IMMP2L: variants seen among roughly 807,000 people sequenced by gnomAD.
The protein encoded by IMMP2L is mitochondrial inner membrane protease subunit 2.
In IMMP2L, 18 loss-of-function variants were observed where a neutral mutation model predicts 19.3. The observed-to-expected ratio is 0.93, with a 90% CI of 0.64 to 1.38. The LOEUF is 1.38. Ranked by LOEUF, IMMP2L falls within the 40% of genes most tolerant of loss-of-function variation. The probability of loss-of-function intolerance (pLI) is 0.00; values close to 1 mark genes in which losing one functional copy is unlikely to be tolerated. For missense variants in IMMP2L, 233 were observed against 218.2 expected, an observed-to-expected ratio of 1.07 and a Z score of -0.43; for synonymous variants, 76 against 73.0, an observed-to-expected ratio of 1.04 and a Z score of -0.21.
chr7:110,886,762 C>T, intron 4 of IMMP2L, 67 bp from the exon 5 acceptor site: 1 of 738,476 alleles, frequency 1.4e-6, no homozygotes, highest in South Asian at 1.6e-5. Context: ...GGCATACAAA[C>T]TTAGGAATGG....
At chr7:110,991,108 C>T (rs1007303291) in intron 3 of IMMP2L, among the ~76,000 whole-genome samples, 22 of 152,126 alleles carry the variant, frequency 1.4e-4, no homozygotes, top group African/African-American at 5.3e-4. Context: ...TTTCAAACCA[C>T]ATCATTTAGG....
At chr7:111,227,307 C>A (rs878877137) in intron 3 of IMMP2L, among the ~76,000 whole-genome samples, 2 of 152,116 alleles carry the variant, frequency 1.3e-5, no homozygotes, top group Admixed American at 1.3e-4. Context: ...TTCTATATTT[C>A]ATTTGCTACC....
At chr7:111,286,645 A>G (rs1820517004) in intron 3 of IMMP2L, among the ~76,000 whole-genome samples, 1 of 152,156 alleles carries the variant, frequency 6.6e-6, no homozygotes, top group Non-Finnish European at 1.5e-5. Flanking sequence ...ACAGGAATAT[A>G]AATATTCTCT....
chr7:110,730,480 C>T (rs925987770), intron 5 of IMMP2L, among the ~76,000 whole-genome samples: 3 of 152,114 alleles, frequency 2.0e-5, no homozygotes, highest in Non-Finnish European at 4.4e-5. Flanking sequence ...CTGTCAGCTT[C>T]CCGACTTTTG....
chr7:111,446,007 G>A (rs10276181), intron 3 of IMMP2L, among the ~76,000 whole-genome samples: 33,686 of 150,930 alleles, frequency 0.22, 5,428 homozygotes, highest in African/African-American at 0.46. Flanking sequence ...ACCGGCTTAA[G>A]AAACGGCGCA....
intron 3 of IMMP2L, among the ~76,000 whole-genome samples, chr7:111,182,372 A>G (rs1213883757): frequency 3.3e-5 from 5 of 151,922 alleles, no homozygotes; most frequent in Non-Finnish European, 5.9e-5. Flanking sequence ...AAGCTGTCCC[A>G]AGGTCTCAAA....
intron 3 of IMMP2L, among the ~76,000 whole-genome samples, chr7:111,048,532 A>G (rs2129572350): frequency 6.6e-6 from 1 of 152,248 alleles, no homozygotes; most frequent in South Asian, 2.1e-4. Context: ...CCTTAATCAT[A>G]GTACTTAACA....
At chr7:110,920,704 T>G (rs1182962014) in intron 4 of IMMP2L, among the ~76,000 whole-genome samples, 1 of 152,232 alleles carries the variant, frequency 6.6e-6, no homozygotes, top group Non-Finnish European at 1.5e-5. Context: ...CAATGATCAC[T>G]ATGGGGTATG....
intron 4 of IMMP2L, among the ~76,000 whole-genome samples, chr7:110,912,731 C>T (rs1472310979): frequency 6.6e-6 from 1 of 151,982 alleles, no homozygotes; most frequent in Non-Finnish European, 1.5e-5. Context: ...TGACTAAATG[C>T]CAGTGGCTTC....
chr7:110,715,549 G>A (rs1282432650), intron 5 of IMMP2L, among the ~76,000 whole-genome samples: 2 of 152,080 alleles, frequency 1.3e-5, no homozygotes, highest in Non-Finnish European at 2.9e-5. Context: ...GGAGCAAATT[G>A]TTTAATTTCC....
At chr7:110,962,320 T>G (rs1819033693) in intron 4 of IMMP2L, 1 of 151,992 alleles carries the variant, frequency 6.6e-6, no homozygotes, top group Admixed American at 6.6e-5. Context: ...GTTTTAAAAT[T>G]TCATTTATTG....
intron 3 of IMMP2L, among the ~76,000 whole-genome samples, chr7:111,377,369 T>A (rs1328202344): frequency 1.3e-5 from 2 of 152,066 alleles, no homozygotes; most frequent in South Asian, 2.1e-4. Flanking sequence ...TAGTATAGTA[T>A]CCCTCTATAC....
chr7:111,199,048 G>A (rs777771984), intron 3 of IMMP2L, among the ~76,000 whole-genome samples: 2 of 151,804 alleles, frequency 1.3e-5, no homozygotes, highest in Non-Finnish European at 2.9e-5. Context: ...CTACATTTTC[G>A]AACTGCATTT....
chr7:111,302,581 T>C (rs1822387824), intron 3 of IMMP2L, among the ~76,000 whole-genome samples: 1 of 152,090 alleles, frequency 6.6e-6, no homozygotes, highest in Admixed American at 6.6e-5. Flanking sequence ...ACTGTTCCCA[T>C]TATATAAATA....
At chr7:111,231,121 A>T (rs543025899) in intron 3 of IMMP2L, among the ~76,000 whole-genome samples, 2 of 151,992 alleles carry the variant, frequency 1.3e-5, no homozygotes, top group East Asian at 3.9e-4. Context: ...TCCTATCAGC[A>T]ATCAGATTAC....
chr7:110,984,860 T>A (rs1273250624), intron 3 of IMMP2L, among the ~76,000 whole-genome samples: 3 of 152,104 alleles, frequency 2.0e-5, no homozygotes, highest in African/African-American at 7.2e-5. Flanking sequence ...TGTAAATACG[T>A]GAGCTTTCAT....
At chr7:110,695,712 G>A (rs1793832589) in intron 5 of IMMP2L, among the ~76,000 whole-genome samples, 3 of 152,144 alleles carry the variant, frequency 2.0e-5, no homozygotes, top group Admixed American at 2.0e-4. Context: ...GCAGCATAAT[G>A]TAGGGTGCTT....
At chr7:111,352,984 C>A (rs573031615) in intron 3 of IMMP2L, among the ~76,000 whole-genome samples, 1 of 152,156 alleles carries the variant, frequency 6.6e-6, no homozygotes, top group Non-Finnish European at 1.5e-5. Flanking sequence ...CCCATAGGAG[C>A]CTGCTAACTA....
At chr7:110,905,651 A>G (rs1386124393) in intron 4 of IMMP2L, among the ~76,000 whole-genome samples, 1 of 152,214 alleles carries the variant, frequency 6.6e-6, no homozygotes, top group African/African-American at 2.4e-5. Flanking sequence ...ATCATAAAGT[A>G]CATCGTAGGT....
Sources: gnomAD v4.1 joint callset for allele counts (sites outside exome capture counted in the v4.1 genomes callset) on GRCh38, gnomAD v4.1.1 for gene constraint, MANE v1.5 for transcripts, NCBI Gene and HGNC (gene_info 2026-07-23, HGNC 2026-07-21) for gene names.